Variants in GPC3 observed in about 807,000 individuals in gnomAD.
GPC3 encodes glypican-3.
In GPC3, 3 loss-of-function variants were observed where a neutral mutation model predicts 34.4. The ratio of observed to expected loss-of-function variants is 0.09; its 90% CI spans 0.04 to 0.23. The LOEUF is 0.23. Among genes scored for constraint, GPC3 ranks in the 10% least tolerant of loss-of-function variants. The probability of loss-of-function intolerance (pLI) is 1.00; values close to 1 mark genes in which losing one functional copy is unlikely to be tolerated. For synonymous variants in GPC3, 177 were observed against 174.0 expected, an observed-to-expected ratio of 1.02 and a Z score of -0.13; for missense variants, 351 against 445.6, an observed-to-expected ratio of 0.79 and a Z score of 1.91.
chrX:133,738,262 C>G (rs909621286), intron 3 of GPC3, among the ~76,000 whole-genome samples: 2 of 112,241 alleles, frequency 1.8e-5, no homozygotes, highest in Admixed American at 9.4e-5. Flanking sequence ...TTGCACCAGG[C>G]CTGTGATTCA....
intron 3 of GPC3, 142 bp from the exon 4 acceptor site, chrX:133,700,170 C>T (rs1266169741): frequency 6.2e-6 from 3 of 485,027 alleles, no homozygotes; most frequent in Non-Finnish European, 1.1e-5. Flanking sequence ...AGGTGATAAG[C>T]TTGTAAGACA....
chrX:133,863,081 T>G (rs2075945799), intron 2 of GPC3, among the ~76,000 whole-genome samples: 1 of 113,040 alleles, frequency 8.8e-6, no homozygotes, highest in Admixed American at 9.3e-5. Context: ...ATTTTCATTC[T>G]TTGTTAGACA....
At chrX:133,756,616 A>G (rs750876949) in intron 2 of GPC3, among the ~76,000 whole-genome samples, 4 of 112,946 alleles carry the variant, frequency 3.5e-5, no homozygotes, top group Admixed American at 9.4e-5. Flanking sequence ...CTGTACTGTC[A>G]TAACATTTTT....
At chrX:133,856,195 C>T (rs1055247054) in intron 2 of GPC3, among the ~76,000 whole-genome samples, 3 of 111,778 alleles carry the variant, frequency 2.7e-5, no homozygotes, top group Non-Finnish European at 5.6e-5. Flanking sequence ...AATCTCCATA[C>T]TGTTTTCCAT....
At chrX:133,960,120 CAATGGGTGA>C (rs1194965714) in intron 1 of GPC3, among the ~76,000 whole-genome samples, 2 of 110,469 alleles carry the variant, frequency 1.8e-5, no homozygotes, top group Admixed American at 9.7e-5. Flanking sequence ...GTGGAGAGGC[CAATGGGTGA>C]AATGTGTTTG....
At chrX:133,640,696 G>T (rs1277422421) in intron 6 of GPC3, among the ~76,000 whole-genome samples, 1 of 112,056 alleles carries the variant, frequency 8.9e-6, no homozygotes, top group Admixed American at 9.5e-5. Flanking sequence ...CCATGAATAA[G>T]CCCCAGATGC....
intron 2 of GPC3, among the ~76,000 whole-genome samples, chrX:133,819,242 A>AT (rs35893020): frequency 1.2e-4 from 11 of 94,203 alleles, no homozygotes; most frequent in Middle Eastern, 6.0e-3. Flanking sequence ...GAACAAGCGG[A>AT]TTTTTTTTTA....
chrX:133,639,270 G>A (rs2070459117), intron 6 of GPC3, among the ~76,000 whole-genome samples: 1 of 111,720 alleles, frequency 9.0e-6, no homozygotes, highest in South Asian at 3.8e-4. Context: ...TTTCATCTGT[G>A]CTCACAAAAC....
At chrX:133,730,236 G>A (rs181689341) in intron 3 of GPC3, among the ~76,000 whole-genome samples, 248 of 111,755 alleles carry the variant, frequency 2.2e-3, no homozygotes, top group Non-Finnish European at 3.5e-3. Context: ...GACCTTTATA[G>A]TACTCATCTG....
intron 3 of GPC3, among the ~76,000 whole-genome samples, chrX:133,713,355 T>C (rs375276119): frequency 6.2e-5 from 7 of 112,317 alleles, no homozygotes; most frequent in African/African-American, 2.3e-4. Context: ...CAAACTGCAA[T>C]AGTAGTCATT....
At chrX:133,846,599 C>T (rs999314631) in intron 2 of GPC3, among the ~76,000 whole-genome samples, 12 of 111,379 alleles carry the variant, frequency 1.1e-4, no homozygotes, top group African/African-American at 2.9e-4. Context: ...TGGATGAGAA[C>T]CAGAACGATA....
At chrX:133,755,719 TTTTGTTTGTTTG>T (rs200214750) in intron 2 of GPC3, among the ~76,000 whole-genome samples, 2 of 111,809 alleles carry the variant, frequency 1.8e-5, no homozygotes, top group African/African-American at 3.3e-5. Context: ...CACTTGGTTT[TTTTGTTTGTTTG>T]TTTGTTTGTT....
intron 1 of GPC3, among the ~76,000 whole-genome samples, chrX:133,973,972 A>T (rs1488010685): frequency 8.9e-6 from 1 of 112,504 alleles, no homozygotes; most frequent in Non-Finnish European, 1.9e-5. Flanking sequence ...TCACAAGACA[A>T]ATGTAATGTG....
chrX:133,762,753 G>A (rs1287164282), intron 2 of GPC3: 17 of 426,572 alleles, frequency 4.0e-5, no homozygotes, highest in Non-Finnish European at 5.4e-5. Flanking sequence ...TCCATACAGC[G>A]TTTTTCGGGA....
At chrX:133,917,543 A>G (rs1465755669) in intron 2 of GPC3, among the ~76,000 whole-genome samples, 1 of 111,819 alleles carries the variant, frequency 8.9e-6, no homozygotes, top group African/African-American at 3.2e-5. Flanking sequence ...TATACAGTCA[A>G]TGTTAATTAT....
intron 2 of GPC3, among the ~76,000 whole-genome samples, chrX:133,823,433 A>C (rs756170883): frequency 9.0e-6 from 1 of 111,558 alleles, no homozygotes; most frequent in Non-Finnish European, 1.9e-5. Flanking sequence ...TATAGTAGGA[A>C]AATGATATCA....
chrX:133,901,749 A>AT (rs1280560550), intron 2 of GPC3, among the ~76,000 whole-genome samples: 1 of 112,070 alleles, frequency 8.9e-6, no homozygotes, highest in South Asian at 3.7e-4. Flanking sequence ...ATCTCTGGAT[A>AT]TTTTTGAGTT....
chrX:133,976,715 C>T (rs1470684208), intron 1 of GPC3, among the ~76,000 whole-genome samples: 1 of 109,778 alleles, frequency 9.1e-6, no homozygotes, highest in East Asian at 2.9e-4. Context: ...GTCAGGAGTT[C>T]GAGACCAGCC....
At chrX:133,664,963 A>G (rs1309220442) in intron 5 of GPC3, among the ~76,000 whole-genome samples, 1 of 111,290 alleles carries the variant, frequency 9.0e-6, no homozygotes, top group Non-Finnish European at 1.9e-5. Flanking sequence ...CTAAATAAAT[A>G]CTTTGGACAT....
Sources: gnomAD v4.1 joint callset for allele counts (sites outside exome capture counted in the v4.1 genomes callset) on GRCh38, gnomAD v4.1.1 for gene constraint, MANE v1.5 for transcripts, NCBI Gene and HGNC (gene_info 2026-07-23, HGNC 2026-07-21) for gene names.